The following PCDHGB3 variants were observed in gnomAD, a reference collection of about 807,000 sequenced individuals.
The protein encoded by PCDHGB3 is protocadherin gamma-B3.
Under a neutral mutation model 59.2 loss-of-function variants are expected in PCDHGB3, and 40 were observed. That is an observed-to-expected ratio of 0.68 (90% CI 0.52 to 0.88). The LOEUF (loss-of-function observed/expected upper bound fraction) is 0.88, where lower values mean the gene tolerates loss of function less well. PCDHGB3 is among the 40% of genes least tolerant of loss of function. The pLI is 0.00. For missense variants in PCDHGB3, 1,309 were observed against 1,187.9 expected, an observed-to-expected ratio of 1.10 and a Z score of -1.50; for synonymous variants, 581 against 503.6, an observed-to-expected ratio of 1.15 and a Z score of -2.06.
intron 1 of PCDHGB3, chr5:141,389,594 T>G (rs1458391866): frequency 1.2e-5 from 19 of 1,613,068 alleles, no homozygotes; most frequent in Non-Finnish European, 1.5e-5. Flanking sequence ...CCGACGGCTC[T>G]GCGCTCTTCG....
chr5:141,388,094 G>A (rs2091235940), intron 1 of PCDHGB3: 1 of 1,377,208 alleles, frequency 7.3e-7, no homozygotes, highest in Non-Finnish European at 1.0e-6. Flanking sequence ...GCGTCAGTTC[G>A]GAGAAGCCTT....
At chr5:141,481,210 G>A (rs1351826116) in intron 1 of PCDHGB3, among the ~76,000 whole-genome samples, 2 of 152,128 alleles carry the variant, frequency 1.3e-5, no homozygotes, top group Admixed American at 1.3e-4. Context: ...TAAAAAACAT[G>A]GTAAGGTCTC....
intron 1 of PCDHGB3, chr5:141,378,871 A>G (rs1775219585): frequency 1.3e-5 from 2 of 152,236 alleles, no homozygotes; most frequent in East Asian, 3.9e-4. Flanking sequence ...TCGAATAGAA[A>G]ATGGATCACT....
intron 1 of PCDHGB3, chr5:141,430,861 A>C: frequency 6.3e-7 from 1 of 1,592,834 alleles, no homozygotes; most frequent in Middle Eastern, 1.7e-4. Flanking sequence ...TACGCTATTC[A>C]GTTCCGGAAG....
chr5:141,460,277 A>C (rs2154566827), intron 1 of PCDHGB3, among the ~76,000 whole-genome samples: 1 of 152,124 alleles, frequency 6.6e-6, no homozygotes, highest in African/African-American at 2.4e-5. Context: ...TTTCTTTTAT[A>C]GTTTGTATTT....
chr5:141,372,446 T>C lies in PCDHGB3; in HGVS notation c.2052T>C (p.Pro684=). The C allele has an allele frequency of 6.2e-7, 1 of 1,614,030 alleles. No individual in the cohort carries two copies. Among genetic ancestry groups the C allele is most frequent in the Non-Finnish European group, 8.5e-7 (1 of 1,179,894 alleles). Residue 684 remains proline, a synonymous_variant, in exon 1 of 4, where the codon CCT becomes CCC. Transcript: ENST00000576222. ...GCGACCGCCCCACTCCCTCTGACCC[T>C]CAGGCGGAGCTACAGTTTCACCTAG... ...DLSDRPTPSD[P]QAELQFHLVV... is the part of the protein sequence containing the mutation.
At chr5:141,392,893 G>C in intron 1 of PCDHGB3, 1 of 1,613,780 alleles carries the variant, frequency 6.2e-7, no homozygotes, top group South Asian at 1.1e-5. Flanking sequence ...TGGGAAATCG[G>C]GAGGGGACAG....
intron 1 of PCDHGB3, chr5:141,419,140 G>A (rs1359933027): frequency 1.2e-6 from 2 of 1,613,750 alleles, no homozygotes; most frequent in East Asian, 2.2e-5. Flanking sequence ...CCACAGACAG[G>A]GGCAAGCCTC....
intron 1 of PCDHGB3, among the ~76,000 whole-genome samples, chr5:141,456,359 G>A (rs2098853225): frequency 6.6e-6 from 1 of 152,158 alleles, no homozygotes; most frequent in Non-Finnish European, 1.5e-5. Context: ...TGGCGTCCAT[G>A]TGTGGTTCAG....
rs753030509 is a variant in PCDHGB3, at chr5:141,431,672, G to A, written c.2415+58863G>A. On this transcript the variant is annotated intron_variant, in intron 1 of 3. Transcript: ENST00000576222. The surrounding 1 kb of genome is among the most constrained non-coding windows in gnomAD (Gnocchi z 4.8). ...TAATTCAGGGACAATATCAACAATA[G>A]GGGAGTTGGACCACGAGGAGTCAGG... The A allele has an allele frequency of 9.3e-6, 15 of 1,614,110 alleles. No homozygotes were observed. Among genetic ancestry groups the A allele is most frequent in the African/African-American group, 4.0e-5 (3 of 74,948 alleles).
At chr5:141,413,001 G>C in intron 1 of PCDHGB3, 1 of 592,908 alleles carries the variant, frequency 1.7e-6, no homozygotes, top group Non-Finnish European at 2.8e-6. Flanking sequence ...CGGATTCTCA[G>C]GGCTTCAACT....
rs1229622208 is a variant in PCDHGB3, at chr5:141,372,259, G to T, written c.1865G>T (p.Arg622Leu). The T allele has an allele frequency of 1.2e-6, 2 of 1,613,108 alleles. No homozygotes were observed. The highest frequency in any genetic ancestry group is 2.2e-5 in the East Asian group (1 of 44,874). Residue 622 changes from arginine (R) to leucine (L), a missense_variant, in exon 1 of 4, where the codon CGC becomes CTC. Physicochemically the swap from Arg to Leu is moderately radical, Grantham distance 102 (BLOSUM62 -2). Transcript: ENST00000576222. ...SEPGLFSLGL[R>L]TGEVRTARTL... The stretch of plus-strand genomic sequence containing the variant: ...CCCGGGCTGTTCAGCCTGGGCCTGC[G>T]CACGGGTGAGGTGCGCACGGCGCGT...
intron 1 of PCDHGB3, chr5:141,413,731 G>A (rs1008251304): frequency 6.2e-7 from 1 of 1,613,454 alleles, no homozygotes; most frequent in South Asian, 1.1e-5. Context: ...CTCCCTAAGA[G>A]TTCAGAGCCG....
At position 141,493,323 on chromosome 5, in the gene PCDHGB3, C is replaced by T. The variant is rs542332335; in HGVS notation, c.2416-1484C>T. Among the ~76,000 whole-genome samples the T allele has an allele frequency of 6.6e-6, 1 of 152,294 alleles. No homozygotes were observed. The highest frequency in any genetic ancestry group is 6.5e-5 in the Admixed American group (1 of 15,300). On this transcript the variant is annotated intron_variant, in intron 1 of 3. Transcript: ENST00000576222. The surrounding 1 kb of genome is among the most constrained non-coding windows in gnomAD (Gnocchi z 4.3). ...AGAGCAAGTAAGAGAGATTCTAACC[C>T]CTGTCTAACTCCAGAATGTGTGCTT...
chr5:141,450,006 C>CTATTTTT lies in PCDHGB3; in HGVS notation c.2416-44800_2416-44799insATTTTTT, dbSNP rs70988802. On this transcript the variant is annotated intron_variant, in intron 1 of 3. Coordinates refer to ENST00000576222, the MANE Select transcript of PCDHGB3 (RefSeq NM_018924.5). ...CACATTGCATTTAGTTGCCATGTCTCTTTTTTTTTTTTTTTTTTGAGACAG... is the reference window on the plus strand; with the variant it reads ...CACATTGCATTTAGTTGCCATGTCTCTATTTTTTTTTTTTTTTTTTTTTTTGAGACAG... Among the ~76,000 whole-genome samples, 248 of 132,920 alleles carry CTATTTTT rather than the reference C, an allele frequency of 1.9e-3. 8 individuals carry two copies. Among genetic ancestry groups the CTATTTTT allele is most frequent in the African/African-American group, 4.3e-3 (154 of 35,586 alleles). 87.2% of individuals were successfully genotyped at this position (132,920 alleles called of 152,430 possible). A position where few individuals can be genotyped will look rare whatever the true frequency, so the allele number is the denominator to read the frequency against.
rs1340692426 is a variant in PCDHGB3 at position 141,485,025 on chromosome 5, A to C, written c.2416-9782A>C. ...CAAATCTACCCCGCCACCAGCAAAAACGGCGCGTAACCCTTGCGGCGCCGG... is the reference window on the plus strand; with the variant it reads ...CAAATCTACCCCGCCACCAGCAAAACCGGCGCGTAACCCTTGCGGCGCCGG... On this transcript the variant is annotated intron_variant, in intron 1 of 3. Transcript: ENST00000576222. This position sits in a 1 kb window ranked among gnomAD's most constrained non-coding sequence, Gnocchi z 5.7. 2 of 657,796 alleles carry C rather than the reference A, an allele frequency of 3.0e-6. No homozygotes were observed. The highest frequency in any genetic ancestry group is 5.4e-6 in the Non-Finnish European group (2 of 369,210). The allele number at this position is 657,796 out of a possible 1,614,324, so 40.7% of individuals were successfully genotyped here.
intron 1 of PCDHGB3, among the ~76,000 whole-genome samples, chr5:141,437,505 A>G (rs1429147239): frequency 6.6e-6 from 1 of 152,204 alleles, no homozygotes; most frequent in Non-Finnish European, 1.5e-5. Context: ...TTTTCAATGA[A>G]TTATAAGGCT....
intron 2 of PCDHGB3, among the ~76,000 whole-genome samples, chr5:141,502,866 C>CTTTTTTT (rs549047197): frequency 0.02 from 2,590 of 127,990 alleles, 216 homozygotes; most frequent in African/African-American, 0.075. Flanking sequence ...GACTCTCTGT[C>CTTTTTTT]TTTTTTTTTT....
rs752147264 is a variant in PCDHGB3, at chr5:141,398,602, G to C, written c.2415+25793G>C. 8 of 1,613,936 alleles carry C rather than the reference G, an allele frequency of 5.0e-6. No individual in the cohort carries two copies. The East Asian group carries it at 1.6e-4, about 31-fold the overall frequency. On this transcript the variant is annotated intron_variant, in intron 1 of 3. Transcript: ENST00000576222. ...AAGATTTATACTAGAAGTAGCAGAA[G>C]ATGCAGATATTGGCTTAAACTCTCT...
Sources: allele counts gnomAD v4.1 joint callset (sites outside exome capture counted in the v4.1 genomes callset), GRCh38; gene constraint gnomAD v4.1.1; non-coding constraint Gnocchi (gnomAD v3.1); transcripts MANE v1.5; gene names NCBI Gene and HGNC (gene_info 2026-07-23, HGNC 2026-07-21).